The following NRN1 variants were observed in gnomAD, a reference collection of about 807,000 sequenced individuals.
The protein encoded by NRN1 is neuritin.
In NRN1, 4 loss-of-function variants were observed where a neutral mutation model predicts 15.0. The ratio of observed to expected loss-of-function variants is 0.27; its 90% confidence interval spans 0.13 to 0.61. NRN1 has a LOEUF of 0.61. Among genes scored for constraint, NRN1 ranks in the 20% least tolerant of loss-of-function variants. The probability of loss-of-function intolerance (pLI) is 0.87; values close to 1 mark genes in which losing one functional copy is unlikely to be tolerated. For synonymous variants in NRN1, 85 were observed against 79.8 expected (o/e 1.07, Z -0.35); for missense variants, 134 against 181.9 (o/e 0.74, Z 1.51).
At chr6:6,006,935 G>A (rs1289255774), upstream of NRN1, 10 of 240,298 alleles carry the variant, frequency 4.2e-5, no homozygotes, top group Admixed American at 5.7e-5. Flanking sequence ...GAGAGAGAGA[G>A]AGAAAGAGAG....
At chr6:6,003,749 C>A in intron 1 of NRN1, 1 of 1,234,282 alleles carries the variant, frequency 8.1e-7, no homozygotes, top group Non-Finnish European at 1.0e-6. Flanking sequence ...GCCCTGAGGC[C>A]GACGAACCCG....
chr6:6,007,124 T>C (rs531703121), upstream of NRN1, among the ~76,000 whole-genome samples: 7 of 152,110 alleles, frequency 4.6e-5, no homozygotes, highest in African/African-American at 7.2e-5. Flanking sequence ...CATCAGAAGC[T>C]GGAATTAATC....
At chr6:6,005,685 C>T (rs1435873725) in intron 1 of NRN1, among the ~76,000 whole-genome samples, 2 of 152,200 alleles carry the variant, frequency 1.3e-5, no homozygotes, top group South Asian at 4.1e-4. Context: ...GTAACAATTC[C>T]GTTTCAGGAG....
chr6:5,999,034 G>T lies in NRN1; in HGVS notation c.371C>A (p.Ala124Glu), dbSNP rs748105772. The T allele has an allele frequency of 1.2e-6, 2 of 1,613,648 alleles. No homozygotes were observed. The highest frequency in any genetic ancestry group is 1.6e-4 in the Middle Eastern group (1 of 6,062). Residue 124 changes from alanine to glutamate, a missense_variant, in exon 3 of 3, where the codon GCG becomes GAG. Transcript: ENST00000244766. ...GNGAAGSLLPAFPVLLVSLSA... is the reference protein window; with the variant it reads ...GNGAAGSLLPEFPVLLVSLSA... ...GAGAGACACCAGGAGCACCGGGAAC[G>T]CCGGGAGCAGGGACCCCGCCGCCCC...
At chr6:6,005,775 G>C (rs1286147358) in intron 1 of NRN1, among the ~76,000 whole-genome samples, 2 of 152,110 alleles carry the variant, frequency 1.3e-5, no homozygotes, top group South Asian at 2.1e-4. Context: ...TTAATGTTCT[G>C]ACCCAGTGTC....
chr6:6,007,298 G>T (rs1469086783), upstream of NRN1, among the ~76,000 whole-genome samples: 1 of 151,728 alleles, frequency 6.6e-6, no homozygotes, highest in Non-Finnish European at 1.5e-5. Flanking sequence ...CCCGCCAGGA[G>T]CTGGGGAGTC....
intron 2 of NRN1, among the ~76,000 whole-genome samples, chr6:6,000,094 C>T (rs966005798): frequency 6.6e-6 from 1 of 152,216 alleles, no homozygotes; most frequent in African/African-American, 2.4e-5. Flanking sequence ...ATGGGGCTTC[C>T]TCCCCACAGC....
At chr6:6,000,893 G>A (rs571923192) in intron 2 of NRN1, among the ~76,000 whole-genome samples, 1 of 151,966 alleles carries the variant, frequency 6.6e-6, no homozygotes, top group East Asian at 1.9e-4. Context: ...GCCGTGGCCT[G>A]TGACCTCAGG....
chr6:6,004,313 T>C (rs905267822), intron 1 of NRN1, among the ~76,000 whole-genome samples: 7 of 152,166 alleles, frequency 4.6e-5, no homozygotes, highest in Non-Finnish European at 8.8e-5. Context: ...TCGTTCAAAA[T>C]GGAAATACAC....
At chr6:6,003,685 G>A (rs992146798) in intron 1 of NRN1, 51 of 1,233,108 alleles carry the variant, frequency 4.1e-5, no homozygotes, top group Non-Finnish European at 5.0e-5. Context: ...CGAGGCGCGG[G>A]ACTGGAAGGA....
In NRN1 at chr6:6,004,683, CG is replaced by C. The variant is rs546657102; in HGVS notation, c.55+2011del. Among the ~76,000 whole-genome samples, 29 of 152,326 alleles carry C rather than the reference CG, an allele frequency of 1.9e-4. 1 individual carries two copies. Among genetic ancestry groups the C allele is most frequent in the South Asian group, 6.2e-4 (3 of 4,832 alleles). On this transcript the variant is annotated intron_variant, in intron 1 of 2. Coordinates refer to ENST00000244766, the MANE Select transcript of NRN1 (RefSeq NM_016588.3). ...GGAGGCCGGGAGGCTGCGCGCGGGA[CG>C]GATTTTGCAGGCGCACGCGTCCCAG...
chr6:6,003,325 G>T (rs1758015690), intron 1 of NRN1: 2 of 1,092,146 alleles, frequency 1.8e-6, no homozygotes, highest in South Asian at 4.6e-5. Context: ...AGTCTGCCTG[G>T]GTCACCTCCG....
chr6:6,000,722 C>CTTTTTTTTTTTTTTTTTTTT (rs55712329), intron 2 of NRN1, among the ~76,000 whole-genome samples: 1 of 60,816 alleles, frequency 1.6e-5, no homozygotes, highest in Non-Finnish European at 3.0e-5. Context: ...CTAAATTGCT[C>CTTTTTTTTTTTTTTTTTTTT]TTTTTTTTTT....
intron 1 of NRN1, chr6:6,003,834 C>A (rs1197280497): frequency 8.1e-7 from 1 of 1,233,350 alleles, no homozygotes; most frequent in African/African-American, 1.6e-5. Context: ...AGCGTTAGGG[C>A]GGGGAAGAAA....
rs1758003569 is a variant in NRN1, at chr6:6,003,063, TG to T, written c.56-567del. 7 of 636,850 alleles carry T rather than the reference TG, an allele frequency of 1.1e-5. No homozygotes were observed. In the South Asian group the frequency reaches 5.7e-4, roughly 51 times the overall value. 39.4% of individuals were successfully genotyped at this position (636,850 alleles called of 1,614,324 possible). A position where few individuals can be genotyped will look rare whatever the true frequency, so the allele number is the denominator to read the frequency against. On this transcript the variant is annotated intron_variant, in intron 1 of 2. Transcript: ENST00000244766. ...AGCCTCAGGCTTGGCGCTCTGTCCTTGGTGGGCGCTCAGCAAACACTGCTGA... is the reference window on the plus strand; with the variant it reads ...AGCCTCAGGCTTGGCGCTCTGTCCTTGTGGGCGCTCAGCAAACACTGCTGA...
At chr6:6,005,437 CT>C (rs1758082629) in intron 1 of NRN1, among the ~76,000 whole-genome samples, 1 of 152,230 alleles carries the variant, frequency 6.6e-6, no homozygotes, top group African/African-American at 2.4e-5. Flanking sequence ...ACTCTAAAAT[CT>C]TTATAATGTT....
chr6:6,003,869 G>A, intron 1 of NRN1: 1 of 1,231,940 alleles, frequency 8.1e-7, no homozygotes, highest in South Asian at 4.2e-5. Flanking sequence ...ATCGAAATCC[G>A]CACTGGCGCC....
At chr6:6,006,983 A>G (rs1758128574), upstream of NRN1, 1 of 393,338 alleles carries the variant, frequency 2.5e-6, no homozygotes, top group African/African-American at 2.3e-5. Flanking sequence ...AGAGCTGGGA[A>G]TGGTTCACTC....
intron 1 of NRN1, 31 bp from the exon 2 acceptor site, chr6:6,002,528 C>T: frequency 6.2e-7 from 1 of 1,600,946 alleles, no homozygotes. Flanking sequence ...CGGTCAGCAG[C>T]GCCACGACCC....
Sources: gnomAD v4.1 joint callset for allele counts (sites outside exome capture counted in the v4.1 genomes callset) on GRCh38, gnomAD v4.1.1 for gene constraint, MANE v1.5 for transcripts, NCBI Gene and HGNC (gene_info 2026-07-23, HGNC 2026-07-21) for gene names.